TTC28: variants seen among roughly 807,000 people sequenced by gnomAD.
TTC28 encodes the protein tetratricopeptide repeat domain 28, also known as tetratricopeptide repeat protein 28.
TTC28 carries 61 observed loss-of-function variants against 198.0 expected under a neutral mutation model. The ratio of observed to expected loss-of-function variants is 0.31; its 90% CI spans 0.25 to 0.38. The LOEUF is 0.38. Among genes scored for constraint, TTC28 ranks in the 10% least tolerant of loss-of-function variants. The pLI is 1.00. For synonymous variants in TTC28, 1,171 were observed against 1,297.8 expected (o/e 0.90, Z 2.10); for missense variants, 2,678 against 3,164.0 (o/e 0.85, Z 3.69).
chr22:28,117,866 T>C (rs552963494), intron 6 of TTC28, among the ~76,000 whole-genome samples: 2 of 152,178 alleles, frequency 1.3e-5, no homozygotes, highest in Non-Finnish European at 2.9e-5. Context: ...ATCAGTATAG[T>C]AGTTGATAGC....
chr22:28,244,411 A>G (rs1440973364), intron 5 of TTC28, among the ~76,000 whole-genome samples: 2 of 152,220 alleles, frequency 1.3e-5, no homozygotes, highest in Non-Finnish European at 2.9e-5. Context: ...AAAATAATTT[A>G]CTGAGAAATA....
intron 13 of TTC28, among the ~76,000 whole-genome samples, chr22:28,026,056 C>T (rs895831807): frequency 3.0e-4 from 45 of 152,340 alleles, no homozygotes; most frequent in African/African-American, 9.1e-4. Flanking sequence ...CTGTGTATTA[C>T]AGTCACTGCA....
intron 2 of TTC28, among the ~76,000 whole-genome samples, chr22:28,448,845 A>G (rs1192966466): frequency 6.6e-6 from 1 of 152,108 alleles, no homozygotes. Flanking sequence ...ACTTCCTTCC[A>G]CTATCAGGCA....
chr22:28,230,277 AG>A (rs1317835176), intron 5 of TTC28, among the ~76,000 whole-genome samples: 1 of 152,354 alleles, frequency 6.6e-6, no homozygotes, highest in Admixed American at 6.5e-5. Context: ...GGCCACAGAA[AG>A]GCCCCTCCCA....
intron 2 of TTC28, among the ~76,000 whole-genome samples, chr22:28,512,725 G>A (rs1400013552): frequency 6.6e-6 from 1 of 152,154 alleles, no homozygotes; most frequent in Non-Finnish European, 1.5e-5. Flanking sequence ...GCTGAATGGT[G>A]AGAATACATG....
chr22:28,534,608 G>T (rs1016550411), intron 2 of TTC28, among the ~76,000 whole-genome samples: 1 of 152,162 alleles, frequency 6.6e-6, no homozygotes, highest in Non-Finnish European at 1.5e-5. Context: ...AATGACACAT[G>T]CACACGTATG....
At chr22:28,290,011 G>A (rs992153610) in intron 5 of TTC28, among the ~76,000 whole-genome samples, 6 of 151,860 alleles carry the variant, frequency 4.0e-5, no homozygotes, top group Admixed American at 3.3e-4. Flanking sequence ...GCGACAGAGC[G>A]AGACCCCATC....
intron 2 of TTC28, among the ~76,000 whole-genome samples, chr22:28,599,820 C>T (rs1462411187): frequency 2.6e-5 from 4 of 152,172 alleles, no homozygotes; most frequent in Non-Finnish European, 4.4e-5. Context: ...CCCAGGTTCT[C>T]TGAAACCAGA....
chr22:28,420,629 G>A (rs1047721946), intron 2 of TTC28, among the ~76,000 whole-genome samples: 5 of 149,964 alleles, frequency 3.3e-5, no homozygotes, highest in Middle Eastern at 3.3e-3. Context: ...ACAGAGTCTC[G>A]TTCTGTCGCC....
chr22:28,508,466 G>A (rs1041463088), intron 2 of TTC28, among the ~76,000 whole-genome samples: 2 of 152,016 alleles, frequency 1.3e-5, no homozygotes, highest in African/African-American at 4.8e-5. Flanking sequence ...TGTATTTTTA[G>A]TAGAGACGGG....
At chr22:28,614,429 A>T (rs1443333379) in intron 2 of TTC28, among the ~76,000 whole-genome samples, 3 of 152,222 alleles carry the variant, frequency 2.0e-5, no homozygotes, top group African/African-American at 7.2e-5. Context: ...TTCTTCACAG[A>T]ATTAGAAAAA....
chr22:28,082,686 T>C (rs984316863), intron 12 of TTC28, among the ~76,000 whole-genome samples: 7 of 152,222 alleles, frequency 4.6e-5, no homozygotes, highest in Admixed American at 2.0e-4. Context: ...ATTTTCATGA[T>C]AAATATTGGT....
chr22:28,268,245 A>T (rs1451844967), intron 5 of TTC28, among the ~76,000 whole-genome samples: 3 of 152,306 alleles, frequency 2.0e-5, no homozygotes, highest in East Asian at 1.9e-4. Context: ...CCTCTAGCTC[A>T]TTCTTTCCAA....
chr22:28,455,931 G>C (rs1037243283), intron 2 of TTC28, among the ~76,000 whole-genome samples: 1 of 151,918 alleles, frequency 6.6e-6, no homozygotes, highest in Non-Finnish European at 1.5e-5. Flanking sequence ...AGGCTGAGGT[G>C]GGGGGATCAC....
At chr22:28,035,562 G>A (rs1939304893) in intron 12 of TTC28, among the ~76,000 whole-genome samples, 1 of 152,152 alleles carries the variant, frequency 6.6e-6, no homozygotes, top group South Asian at 2.1e-4. Flanking sequence ...GATCTGAAAA[G>A]GTGCACAGAT....
chr22:28,538,139 C>T (rs1442744983), intron 2 of TTC28, among the ~76,000 whole-genome samples: 1 of 152,156 alleles, frequency 6.6e-6, no homozygotes, highest in Non-Finnish European at 1.5e-5. Flanking sequence ...GGCTAGAGTA[C>T]AGTGGCATGA....
In TTC28 at chr22:28,266,979, A is replaced by G. The variant is rs183646257; in HGVS notation, c.933+29219T>C. Among the ~76,000 whole-genome samples the G allele has an allele frequency of 1.4e-3, 213 of 152,308 alleles. 2 individuals are homozygous for G. Among genetic ancestry groups the G allele is most frequent in the South Asian group, 7.5e-3 (36 of 4,822 alleles). ...AAACCACTGTTCTCCAGGTGTTTAT[A>G]AACAGTCTGATTTTAATACAGAGTT... On this transcript the variant is annotated intron_variant, in intron 5 of 22. Coordinates refer to ENST00000397906, the MANE Select transcript of TTC28 (RefSeq NM_001145418.2).
intron 2 of TTC28, among the ~76,000 whole-genome samples, chr22:28,376,300 T>C (rs1243955993): frequency 6.6e-6 from 1 of 152,234 alleles, no homozygotes; most frequent in Non-Finnish European, 1.5e-5. Flanking sequence ...CAACAATATA[T>C]TGAGCAACTA....
intron 22 of TTC28, among the ~76,000 whole-genome samples, 184 bp downstream of exon 22, chr22:27,985,065 T>C (rs1937164849): frequency 6.6e-6 from 1 of 152,224 alleles, no homozygotes; most frequent in Non-Finnish European, 1.5e-5. Context: ...ACATTGCAAG[T>C]TCCATGAGAG....
Sources: gnomAD v4.1 joint callset for allele counts (sites outside exome capture counted in the v4.1 genomes callset) on GRCh38, gnomAD v4.1.1 for gene constraint, MANE v1.5 for transcripts, NCBI Gene and HGNC (gene_info 2026-07-23, HGNC 2026-07-21) for gene names.